Variants in MRE11 observed in about 807,000 individuals in gnomAD.
MRE11 encodes MRE11 double strand break repair nuclease.
Under a neutral mutation model 91.7 loss-of-function variants are expected in MRE11, and 62 were observed. The observed-to-expected ratio is 0.68, with a 90% CI of 0.55 to 0.84. The LOEUF (loss-of-function observed/expected upper bound fraction) is 0.84. Among genes scored for constraint, MRE11 ranks in the 40% least tolerant of loss-of-function variants. The pLI is 0.00. For missense variants in MRE11, 796 were observed against 852.9 expected, an observed-to-expected ratio of 0.93 and a Z score of 0.83; for synonymous variants, 273 against 271.4, an observed-to-expected ratio of 1.01 and a Z score of -0.06.
intron 4 of MRE11, among the ~76,000 whole-genome samples, chr11:94,484,949 C>T (rs1345404977): frequency 6.6e-5 from 10 of 152,142 alleles, no homozygotes; most frequent in Non-Finnish European, 1.2e-4. Context: ...CGGTAGCTTG[C>T]GTCTATAATC....
At chr11:94,497,235 A>C, upstream of MRE11, 1 of 522,624 alleles carries the variant, frequency 1.9e-6, no homozygotes, top group South Asian at 3.5e-5. Context: ...ATGGAAACTA[A>C]CATTTATTAA....
intron 3 of MRE11, among the ~76,000 whole-genome samples, chr11:94,486,884 G>A (rs1360097625): frequency 6.6e-6 from 1 of 152,128 alleles, no homozygotes; most frequent in Non-Finnish European, 1.5e-5. Flanking sequence ...TCTAACACAG[G>A]CTTTCAAGAC....
chr11:94,463,481 CAT>C (rs1186569775), intron 11 of MRE11, among the ~76,000 whole-genome samples: 4 of 152,198 alleles, frequency 2.6e-5, no homozygotes, highest in Non-Finnish European at 5.9e-5. Flanking sequence ...CACATGCACA[CAT>C]GTGTTTATTG....
At chr11:94,427,950 A>C (rs1282934364) in intron 19 of MRE11, among the ~76,000 whole-genome samples, 1 of 152,230 alleles carries the variant, frequency 6.6e-6, no homozygotes, top group Non-Finnish European at 1.5e-5. Context: ...GTATCATTAA[A>C]ATGACCATAC....
At chr11:94,423,050 G>C (rs894971663) in intron 19 of MRE11, among the ~76,000 whole-genome samples, 5 of 152,258 alleles carry the variant, frequency 3.3e-5, no homozygotes, top group African/African-American at 1.2e-4. Flanking sequence ...GTGGAAGAAG[G>C]ACAAGATGGC....
intron 7 of MRE11, chr11:94,473,641 C>T (rs566275675): frequency 1.3e-5 from 2 of 151,702 alleles, no homozygotes; most frequent in African/African-American, 4.9e-5. Context: ...ACCAAAGAAC[C>T]ACATAACCAC....
At chr11:94,496,619 G>A, upstream of MRE11, 2 of 1,296,880 alleles carry the variant, frequency 1.5e-6, no homozygotes, top group Non-Finnish European at 2.1e-6. Flanking sequence ...GATGAACAAA[G>A]CAGTCATAAT....
At position 94,445,857 on chromosome 11, in the gene MRE11, T is replaced by C. The variant is rs1002601808; in HGVS notation, c.1820A>G (p.Asn607Ser). 6.2e-7 allele frequency: 1 copy of C among 1,613,808 alleles called. No individual in the cohort carries two copies. Among genetic ancestry groups the C allele is most frequent in the Non-Finnish European group, 8.5e-7 (1 of 1,179,766 alleles). ...AGATGCTGACACAGCAGTCTTTGAG[T>C]TCCTGCTACGGGTAGAAGTCTCCAG... ...TGLETSTRSRNSKTAVSASRN... is the reference protein window; with the variant it reads ...TGLETSTRSRSSKTAVSASRN... Residue 607 changes from asparagine (N) to serine (S), a missense_variant, in exon 16 of 20, where the codon AAC becomes AGC. Physicochemically the swap from Asn to Ser is conservative, Grantham distance 46. Transcript: ENST00000323929.
At chr11:94,460,117 G>A (rs891534594) in intron 12 of MRE11, among the ~76,000 whole-genome samples, 2 of 152,162 alleles carry the variant, frequency 1.3e-5, no homozygotes, top group African/African-American at 4.8e-5. Context: ...AGGAGAGCAA[G>A]AGCCAAGGAA....
chr11:94,495,804 A>G (rs763075016), upstream of MRE11, among the ~76,000 whole-genome samples: 9 of 152,132 alleles, frequency 5.9e-5, no homozygotes, highest in Non-Finnish European at 1.2e-4. Flanking sequence ...AGTACTTATC[A>G]TGTTGTCTTT....
intron 5 of MRE11, 130 bp downstream of exon 5, chr11:94,479,544 T>G: frequency 2.7e-6 from 2 of 747,456 alleles, no homozygotes; most frequent in South Asian, 3.1e-5. Flanking sequence ...CTTGTATGAA[T>G]GTGAAAAGTC....
chr11:94,452,196 CAAAAAAAA>C (rs35238737), intron 14 of MRE11, among the ~76,000 whole-genome samples: 2 of 94,550 alleles, frequency 2.1e-5, no homozygotes, highest in African/African-American at 8.0e-5. Context: ...GACTTTGCCT[CAAAAAAAA>C]AAAAAAAAAA....
chr11:94,471,793 G>A (rs753427781), intron 7 of MRE11, 34 bp from the exon 8 acceptor site: 3 of 1,540,102 alleles, frequency 1.9e-6, no homozygotes, highest in South Asian at 2.3e-5. Context: ...TAAATTCGGT[G>A]ATTAGAAAAA....
At chr11:94,486,459 C>T (rs1947145360) in intron 3 of MRE11, among the ~76,000 whole-genome samples, 1 of 152,156 alleles carries the variant, frequency 6.6e-6, no homozygotes, top group Non-Finnish European at 1.5e-5. Flanking sequence ...TTACAGAATT[C>T]CTACAGGTTC....
intron 19 of MRE11, among the ~76,000 whole-genome samples, chr11:94,429,331 G>T (rs1333755447): frequency 1.3e-5 from 2 of 152,114 alleles, no homozygotes; most frequent in East Asian, 3.9e-4. Context: ...CCCATTACTG[G>T]CTATATAACC....
chr11:94,476,397 A>G lies in MRE11; in HGVS notation c.551T>C (p.Ile184Thr). The change falls in exon 7 of 20, where the codon ATT (isoleucine) becomes ACT (threonine). Residue 184 changes from isoleucine (I) to threonine (T), a missense_variant. By Grantham distance (89) the Ile-to-Thr change is moderately conservative. Coordinates refer to ENST00000323929, the MANE Select transcript of MRE11 (RefSeq NM_005591.4). ...CATTCGATAGAGCCTTTCATCTGGAATGGATCCTGAAATGGACATTACATT... is the reference window on the plus strand; with the variant it reads ...CATTCGATAGAGCCTTTCATCTGGAGTGGATCCTGAAATGGACATTACATT... The part of the protein sequence containing the change: ...TKIALYGLGS[I>T]PDERLYRMFV... 1 of 1,595,088 alleles carries G rather than the reference A, an allele frequency of 6.3e-7. No homozygotes were observed. Among genetic ancestry groups the G allele is most frequent in the East Asian group, 2.2e-5 (1 of 44,692 alleles).
Position 94,419,925 on chromosome 11 carries a change from T to C in MRE11, c.*200A>G, listed in dbSNP as rs971999620. 2 of 438,758 alleles carry C rather than the reference T, an allele frequency of 4.6e-6. No homozygotes were observed. Among genetic ancestry groups the C allele is most frequent in the Non-Finnish European group, 8.2e-6 (2 of 242,576 alleles). 27.2% of individuals were successfully genotyped at this position (438,758 alleles called of 1,614,324 possible). A position where few individuals can be genotyped will look rare whatever the true frequency, so the allele number is the denominator to read the frequency against. The stretch of plus-strand genomic sequence containing the variant: ...TTTTAATCTTTACTCAAGAGTGATA[T>C]TGAAACAAAGCTCTTACTACAACAA... On this transcript the variant is annotated 3_prime_UTR_variant, in exon 20 of 20. Coordinates refer to ENST00000323929, the MANE Select transcript of MRE11 (RefSeq NM_005591.4).
chr11:94,469,594 C>A (rs1167523663), intron 9 of MRE11, among the ~76,000 whole-genome samples: 1 of 152,102 alleles, frequency 6.6e-6, no homozygotes, highest in Non-Finnish European at 1.5e-5. Context: ...AACAAGCGTA[C>A]ACTTTTGGTT....
chr11:94,431,188 T>C (rs747419247), intron 18 of MRE11, among the ~76,000 whole-genome samples: 4 of 152,204 alleles, frequency 2.6e-5, no homozygotes, highest in African/African-American at 4.8e-5. Flanking sequence ...AGATCTTATG[T>C]CAGAAGTAAA....
Sources: allele counts gnomAD v4.1 joint callset (sites outside exome capture counted in the v4.1 genomes callset), GRCh38; gene constraint gnomAD v4.1.1; transcripts MANE v1.5; gene names NCBI Gene and HGNC (gene_info 2026-07-23, HGNC 2026-07-21).